Variants in ATP9A observed in about 807,000 individuals in gnomAD.
ATP9A encodes the protein ATPase phospholipid transporting 9A, also known as probable phospholipid-transporting ATPase IIA.
In ATP9A, 52 loss-of-function variants were observed where a neutral mutation model predicts 144.1. The observed-to-expected ratio is 0.36, with a 90% CI of 0.29 to 0.45. The LOEUF is 0.45. Among genes scored for constraint, ATP9A ranks in the 20% least tolerant of loss-of-function variants. The probability of loss-of-function intolerance (pLI) is 1.00; values close to 1 mark genes in which losing one functional copy is unlikely to be tolerated. For missense variants in ATP9A, 947 were observed against 1,392.7 expected, an observed-to-expected ratio of 0.68 and a Z score of 5.09; for synonymous variants, 582 against 557.4, an observed-to-expected ratio of 1.04 and a Z score of -0.62.
intron 1 of ATP9A, among the ~76,000 whole-genome samples, chr20:51,755,727 G>A (rs2077852980): frequency 6.6e-6 from 1 of 152,170 alleles, no homozygotes; most frequent in Non-Finnish European, 1.5e-5. Flanking sequence ...ACTTTGGGAG[G>A]CCGAGGCGGG....
At position 51,618,771 on chromosome 20, in the gene ATP9A, C is replaced by G; in HGVS notation, c.2241G>C (p.Glu747Asp). 6.2e-7 allele frequency: 1 copy of G among 1,604,894 alleles called. No individual in the cohort carries two copies. Among genetic ancestry groups the G allele is most frequent in the Non-Finnish European group, 8.5e-7 (1 of 1,175,432 alleles). ...CTACGGCCGGGCACTGGCAGGCCAGCTCCATGAACTCGTACTCATAGTACT... is the reference window on the plus strand; with the variant it reads ...CTACGGCCGGGCACTGGCAGGCCAGGTCCATGAACTCGTACTCATAGTACT... Reference protein sequence around the residue: ...CLKYYEYEFMELACQCPAVVC... With the variant: ...CLKYYEYEFMDLACQCPAVVC... Residue 747 changes from glutamate (E) to aspartate (D), a missense_variant, in exon 21 of 28, where the codon GAG becomes GAC. Physicochemically the swap from Glu to Asp is conservative, Grantham distance 45 (BLOSUM62 2). Around this residue, in one of 2 missense-constraint regions of ATP9A, gnomAD observed 770 missense variants for 1,047.9 expected, o/e 0.73. Coordinates refer to ENST00000338821, the MANE Select transcript of ATP9A (RefSeq NM_006045.3).
intron 17 of ATP9A, among the ~76,000 whole-genome samples, chr20:51,625,611 C>T (rs1480209289): frequency 3.9e-5 from 6 of 152,216 alleles, no homozygotes. Context: ...TCCAGCAAGT[C>T]ACTTAACCTC....
At chr20:51,743,395 G>GTTTTTT (rs1489280599) in intron 1 of ATP9A, among the ~76,000 whole-genome samples, 13 of 43,424 alleles carry the variant, frequency 3.0e-4, no homozygotes, top group African/African-American at 6.3e-4. Context: ...GACCGAAACT[G>GTTTTTT]ATTTTTTTTT....
At chr20:51,734,982 C>A (rs2077757360) in intron 1 of ATP9A, 2 of 203,856 alleles carry the variant, frequency 9.8e-6, no homozygotes, top group South Asian at 1.8e-4. Flanking sequence ...GGCCAAGAAT[C>A]AAACCAAGGC....
At chr20:51,665,646 C>G (rs2077429610) in intron 13 of ATP9A, among the ~76,000 whole-genome samples, 1 of 151,916 alleles carries the variant, frequency 6.6e-6, no homozygotes, top group South Asian at 2.1e-4. Context: ...ATCTCTTGAA[C>G]CCGGGAGGCA....
At chr20:51,671,865 T>G (rs1026569727) in intron 11 of ATP9A, among the ~76,000 whole-genome samples, 1 of 152,082 alleles carries the variant, frequency 6.6e-6, no homozygotes, top group Non-Finnish European at 1.5e-5. Context: ...GTGGTGCTAT[T>G]TCAGCTCACC....
At chr20:51,631,931 G>A (rs1366063909) in intron 15 of ATP9A, among the ~76,000 whole-genome samples, 1 of 152,126 alleles carries the variant, frequency 6.6e-6, no homozygotes, top group Non-Finnish European at 1.5e-5. Context: ...CTTGCTTTGT[G>A]GGTGCAAGAA....
At chr20:51,687,775 A>AAATG (rs1555836823) in intron 9 of ATP9A, among the ~76,000 whole-genome samples, 107 of 147,568 alleles carry the variant, frequency 7.3e-4, no homozygotes, top group Middle Eastern at 6.9e-3. Context: ...AAAAAAAAAA[A>AAATG]AATGAATGAA....
At chr20:51,740,014 T>G (rs1415791850) in intron 1 of ATP9A, among the ~76,000 whole-genome samples, 2 of 152,086 alleles carry the variant, frequency 1.3e-5, no homozygotes, top group Non-Finnish European at 2.9e-5. Context: ...TAAAATAGCT[T>G]TTGTTGTACT....
At chr20:51,687,671 G>A (rs953065473) in intron 9 of ATP9A, among the ~76,000 whole-genome samples, 4 of 152,062 alleles carry the variant, frequency 2.6e-5, no homozygotes, top group Non-Finnish European at 5.9e-5. Context: ...GGCTGAGGCA[G>A]GAGGACTGCT....
At chr20:51,637,299 C>T (rs985896753) in intron 15 of ATP9A, among the ~76,000 whole-genome samples, 4 of 110,838 alleles carry the variant, frequency 3.6e-5, no homozygotes, top group African/African-American at 7.2e-5. Flanking sequence ...GATAACTTCC[C>T]TAACATTAAA....
At chr20:51,721,352 G>A (rs190026402) in intron 3 of ATP9A, among the ~76,000 whole-genome samples, 11 of 152,250 alleles carry the variant, frequency 7.2e-5, no homozygotes, top group Admixed American at 3.9e-4. Flanking sequence ...TGGGCGTGTC[G>A]GCTCATATCT....
chr20:51,685,635 T>C (rs2122809416), intron 9 of ATP9A, among the ~76,000 whole-genome samples: 1 of 152,046 alleles, frequency 6.6e-6, no homozygotes, highest in Non-Finnish European at 1.5e-5. Flanking sequence ...TCACTGGCCA[T>C]CACAGAAATG....
chr20:51,679,052 G>T (rs1464048495), intron 9 of ATP9A, among the ~76,000 whole-genome samples: 1 of 152,152 alleles, frequency 6.6e-6, no homozygotes, highest in South Asian at 2.1e-4. Flanking sequence ...GGCCGGGCAC[G>T]GTGGCTCATG....
At chr20:51,646,650 C>T (rs1316598314) in intron 14 of ATP9A, among the ~76,000 whole-genome samples, 1 of 152,218 alleles carries the variant, frequency 6.6e-6, no homozygotes, top group African/African-American at 2.4e-5. Context: ...TGGCCAACCA[C>T]TGCCAGGTAG....
At position 51,622,232 on chromosome 20, in the gene ATP9A, G is replaced by GC; in HGVS notation, c.2017-61dup. On this transcript the variant is annotated intron_variant, in intron 18 of 27. Coordinates refer to ENST00000338821, the MANE Select transcript of ATP9A (RefSeq NM_006045.3). ...AGTTTTTGAGGCCGGCCTGTCATCT[G>GC]CAACAGCTGAGTTTCCAACAACATG... The GC allele has an allele frequency of 2.2e-6, 3 of 1,381,488 alleles. No individual in the cohort carries two copies. In the South Asian group the frequency reaches 3.5e-5, roughly 16 times the overall value. 85.6% of individuals were successfully genotyped at this position (1,381,488 alleles called of 1,614,324 possible).
chr20:51,761,979 C>T (rs1444752553), intron 1 of ATP9A, among the ~76,000 whole-genome samples: 1 of 152,120 alleles, frequency 6.6e-6, no homozygotes, highest in African/African-American at 2.4e-5. Flanking sequence ...CCCTTCTTCC[C>T]TCTTCAAGCC....
At chr20:51,690,236 C>CA (rs2077542091) in intron 8 of ATP9A, among the ~76,000 whole-genome samples, 2 of 151,028 alleles carry the variant, frequency 1.3e-5, no homozygotes, top group Non-Finnish European at 2.9e-5. Flanking sequence ...CTGGCTAACA[C>CA]CGTGAAAACC....
chr20:51,639,674 C>G (rs2077310541), intron 14 of ATP9A, among the ~76,000 whole-genome samples, 170 bp from the exon 15 acceptor site: 3 of 152,148 alleles, frequency 2.0e-5, no homozygotes, highest in Non-Finnish European at 4.4e-5. Context: ...GTCTGTTCCT[C>G]TGGGTCTATG....
Sources: allele counts gnomAD v4.1 joint callset (sites outside exome capture counted in the v4.1 genomes callset), GRCh38; gene constraint gnomAD v4.1.1; regional missense constraint gnomAD v4.1.1; transcripts MANE v1.5; gene names NCBI Gene and HGNC (gene_info 2026-07-23, HGNC 2026-07-21).